The following EFNA5 variants were observed in gnomAD, a reference collection of about 807,000 sequenced individuals.
EFNA5 encodes the protein ephrin-A5.
A neutral mutation model predicts 22.9 loss-of-function variants in EFNA5; 5 were observed. The ratio of observed to expected loss-of-function variants is 0.22; its 90% confidence interval spans 0.11 to 0.46. The LOEUF is 0.46. Among genes scored for constraint, EFNA5 ranks in the 20% least tolerant of loss-of-function variants. The pLI is 0.99. For synonymous variants in EFNA5, 113 were observed against 112.2 expected, an observed-to-expected ratio of 1.01 and a Z score of -0.04; for missense variants, 237 against 293.3, an observed-to-expected ratio of 0.81 and a Z score of 1.40.
At chr5:107,417,249 T>C (rs1244180570) in intron 2 of EFNA5, among the ~76,000 whole-genome samples, 1 of 152,186 alleles carries the variant, frequency 6.6e-6, no homozygotes, top group Non-Finnish European at 1.5e-5. Flanking sequence ...TGAAAAGATA[T>C]TATCATTCCA....
At position 107,381,339 on chromosome 5, in the gene EFNA5, G is replaced by C; in HGVS notation, c.603C>G (p.Gly201=). The change falls in exon 5 of 5, where the codon GGC becomes GGG. Residue 201 remains glycine, a synonymous_variant. Coordinates refer to ENST00000333274, the MANE Select transcript of EFNA5 (RefSeq NM_001962.3). ...TCCTTGGTGTTTGTGCCGCGTTCTC[G>C]CCGCGGGATGGCTCGGCTGACTCAT... ...TVHESAEPSR[G]ENAAQTPRIP... is the part of the protein sequence containing the mutation. 6.2e-7 allele frequency: 1 copy of C among 1,613,948 alleles called. No homozygotes were observed. The highest frequency in any genetic ancestry group is 2.2e-5 in the East Asian group (1 of 44,838).
intron 1 of EFNA5, among the ~76,000 whole-genome samples, chr5:107,502,037 C>A (rs993036337): frequency 3.3e-5 from 5 of 152,150 alleles, no homozygotes; most frequent in African/African-American, 1.2e-4. Context: ...AAGATGTACA[C>A]CGGGCATTGC....
At chr5:107,501,588 T>C (rs1267304056) in intron 1 of EFNA5, among the ~76,000 whole-genome samples, 1 of 152,232 alleles carries the variant, frequency 6.6e-6, no homozygotes, top group Admixed American at 6.5e-5. Flanking sequence ...TAAAAAATAT[T>C]TCAGTGTCTT....
intron 1 of EFNA5, among the ~76,000 whole-genome samples, chr5:107,562,571 C>A (rs1748572673): frequency 6.6e-6 from 1 of 151,478 alleles, no homozygotes; most frequent in Admixed American, 6.6e-5. Flanking sequence ...GTCCCATGGC[C>A]CATTAAAAAA....
At chr5:107,420,522 T>TAAAAAAAAAAAAAAAAAAAAAAAAA (rs368304882) in intron 2 of EFNA5, among the ~76,000 whole-genome samples, 1 of 109,068 alleles carries the variant, frequency 9.2e-6, no homozygotes, top group Non-Finnish European at 1.8e-5. Flanking sequence ...TCTGTGCTTT[T>TAAAAAAAAAAAAAAAAAAAAAAAAA]AAAAAAAAAA....
At chr5:107,550,642 C>A (rs1035995528) in intron 1 of EFNA5, among the ~76,000 whole-genome samples, 1 of 152,140 alleles carries the variant, frequency 6.6e-6, no homozygotes, top group Non-Finnish European at 1.5e-5. Context: ...AAAATGTATG[C>A]ACTTTAGTAG....
intron 1 of EFNA5, among the ~76,000 whole-genome samples, chr5:107,587,510 T>C (rs1055535297): frequency 1.3e-5 from 2 of 152,096 alleles, no homozygotes; most frequent in African/African-American, 4.8e-5. Context: ...TTTTGCCACC[T>C]ATAGTTTTTG....
In EFNA5 at chr5:107,412,674, G is replaced by A. The variant is rs113359456; in HGVS notation, c.418+14543C>T. On this transcript the variant is annotated intron_variant, in intron 2 of 4. Transcript: ENST00000333274. ...TAGCCCTTGAAAATATTTTGTACACGTTCAACTGACCACTACAGATTTGGA... is the reference window on the plus strand; with the variant it reads ...TAGCCCTTGAAAATATTTTGTACACATTCAACTGACCACTACAGATTTGGA... Among the ~76,000 whole-genome samples the A allele has an allele frequency of 4.4e-4, 67 of 152,264 alleles. 2 individuals carry two copies. The highest frequency in any genetic ancestry group is 3.4e-3 in the Middle Eastern group (1 of 294).
At chr5:107,408,379 GA>G (rs1317038315) in intron 2 of EFNA5, among the ~76,000 whole-genome samples, 5 of 152,116 alleles carry the variant, frequency 3.3e-5, no homozygotes, top group Non-Finnish European at 5.9e-5. Context: ...ATTTGATCCT[GA>G]AAAGTATATG....
intron 1 of EFNA5, among the ~76,000 whole-genome samples, chr5:107,556,677 C>T (rs1176056427): frequency 1.3e-5 from 2 of 151,546 alleles, no homozygotes; most frequent in African/African-American, 2.4e-5. Context: ...ACCGGGGAGG[C>T]GGGGGTTGCA....
At chr5:107,560,922 C>T (rs909649690) in intron 1 of EFNA5, among the ~76,000 whole-genome samples, 10 of 152,190 alleles carry the variant, frequency 6.6e-5, no homozygotes, top group African/African-American at 1.4e-4. Context: ...GTAATGTGAG[C>T]GCCACCTTTA....
chr5:107,489,444 T>C (rs567342212), intron 1 of EFNA5, among the ~76,000 whole-genome samples: 1 of 152,320 alleles, frequency 6.6e-6, no homozygotes, highest in Admixed American at 6.5e-5. Flanking sequence ...GTGCTGGGAT[T>C]ACAGGCATGA....
intron 1 of EFNA5, among the ~76,000 whole-genome samples, chr5:107,428,484 T>C (rs1256365076): frequency 6.6e-6 from 1 of 152,230 alleles, no homozygotes; most frequent in African/African-American, 2.4e-5. Flanking sequence ...CTTATCTGTT[T>C]TAACTAATGT....
At chr5:107,615,669 A>C (rs184327293) in intron 1 of EFNA5, among the ~76,000 whole-genome samples, 1 of 152,140 alleles carries the variant, frequency 6.6e-6, no homozygotes, top group Non-Finnish European at 1.5e-5. Context: ...CAAAAAACAA[A>C]CAAACAAAAA....
At chr5:107,535,316 G>A (rs1472295753) in intron 1 of EFNA5, among the ~76,000 whole-genome samples, 1 of 152,220 alleles carries the variant, frequency 6.6e-6, no homozygotes, top group Non-Finnish European at 1.5e-5. Context: ...AATACAGTAT[G>A]TGGTTTAAAA....
intron 1 of EFNA5, among the ~76,000 whole-genome samples, chr5:107,542,384 T>C (rs1748066701): frequency 6.6e-6 from 1 of 152,144 alleles, no homozygotes; most frequent in Non-Finnish European, 1.5e-5. Flanking sequence ...GTACAGCTGG[T>C]GTCCAATTAG....
intron 1 of EFNA5, among the ~76,000 whole-genome samples, chr5:107,491,230 A>T (rs1211008508): frequency 1.3e-5 from 2 of 152,234 alleles, no homozygotes; most frequent in Non-Finnish European, 2.9e-5. Context: ...CATATTAAAA[A>T]TTATAACATG....
chr5:107,669,048 G>A (rs1295303831), intron 1 of EFNA5, among the ~76,000 whole-genome samples: 2 of 152,086 alleles, frequency 1.3e-5, no homozygotes, highest in African/African-American at 4.8e-5. Context: ...TAGCGGGATA[G>A]GGGGAACTCC....
chr5:107,519,614 G>A (rs1747553750), intron 1 of EFNA5, among the ~76,000 whole-genome samples: 1 of 152,042 alleles, frequency 6.6e-6, no homozygotes, highest in South Asian at 2.1e-4. Context: ...ATAAAACACT[G>A]AGAAAACGAT....
Sources: gnomAD v4.1 joint callset for allele counts (sites outside exome capture counted in the v4.1 genomes callset) on GRCh38, gnomAD v4.1.1 for gene constraint, MANE v1.5 for transcripts, NCBI Gene and HGNC (gene_info 2026-07-23, HGNC 2026-07-21) for gene names.